The following CTNNA3 variants were observed in gnomAD, a reference collection of about 807,000 sequenced individuals.
CTNNA3 encodes catenin alpha 3.
Under a neutral mutation model 95.7 loss-of-function variants are expected in CTNNA3, and 76 were observed. That is an observed-to-expected ratio of 0.79 (90% CI 0.66 to 0.96). The LOEUF is 0.96. CTNNA3 is among the 40% of genes least tolerant of loss of function. CTNNA3 has a pLI of 0.00. For synonymous variants in CTNNA3, 431 were observed against 374.4 expected (o/e 1.15, Z -1.74); for missense variants, 1,191 against 1,089.8 (o/e 1.09, Z -1.31).
intron 15 of CTNNA3, among the ~76,000 whole-genome samples, chr10:65,999,809 A>T (rs976763338): frequency 6.6e-6 from 1 of 152,164 alleles, no homozygotes; most frequent in Admixed American, 6.5e-5. Flanking sequence ...ATAGCATCTT[A>T]AATTATTGCA....
At position 67,246,158 on chromosome 10, in the gene CTNNA3, T is replaced by C. The variant is rs571792077; in HGVS notation, c.580-26288A>G. Among the ~76,000 whole-genome samples, 6 of 152,318 alleles carry C rather than the reference T, an allele frequency of 3.9e-5. No homozygotes were observed. The South Asian group carries it at 1.2e-3, about 32-fold the overall frequency. ...ATTTAAAATCCAGATCCCTAATTAA[T>C]AACGATTTTGCCTTACTCAAGAACT... On this transcript the variant is annotated intron_variant, in intron 5 of 17. Coordinates refer to ENST00000433211, the MANE Select transcript of CTNNA3 (RefSeq NM_013266.4).
chr10:66,887,943 A>G (rs960670568), intron 7 of CTNNA3, among the ~76,000 whole-genome samples: 2 of 152,192 alleles, frequency 1.3e-5, no homozygotes, highest in Non-Finnish European at 2.9e-5. Context: ...AGAGATGCTC[A>G]TGTCTGCAGG....
At chr10:66,577,154 T>A (rs1843032333) in intron 10 of CTNNA3, among the ~76,000 whole-genome samples, 1 of 152,010 alleles carries the variant, frequency 6.6e-6, no homozygotes, top group Admixed American at 6.6e-5. Flanking sequence ...CTTCTTGTCC[T>A]TTGCCCACTT....
At chr10:66,346,213 A>G (rs200891247) in intron 12 of CTNNA3, among the ~76,000 whole-genome samples, 248 of 96,564 alleles carry the variant, frequency 2.6e-3, no homozygotes, top group South Asian at 9.8e-3. Context: ...GTGTGTGTGT[A>G]TATATATATA....
chr10:67,187,219 TTTGTTA>T (rs1292858680), intron 6 of CTNNA3, among the ~76,000 whole-genome samples: 1 of 152,156 alleles, frequency 6.6e-6, no homozygotes. Flanking sequence ...CAATGCTGCT[TTTGTTA>T]TCTTATTTAA....
intron 13 of CTNNA3, among the ~76,000 whole-genome samples, chr10:66,121,156 C>A (rs900433327): frequency 7.0e-4 from 107 of 152,282 alleles, no homozygotes; most frequent in African/African-American, 2.5e-3. Flanking sequence ...TGAGTTATTT[C>A]TTTGAGAGAC....
At chr10:66,384,115 A>T (rs1303388086) in intron 11 of CTNNA3, among the ~76,000 whole-genome samples, 1 of 152,164 alleles carries the variant, frequency 6.6e-6, no homozygotes, top group Non-Finnish European at 1.5e-5. Flanking sequence ...TTAAGTGCAA[A>T]TGGGCTAAAT....
At chr10:66,229,041 C>A (rs754617631) in intron 13 of CTNNA3, among the ~76,000 whole-genome samples, 12 of 152,046 alleles carry the variant, frequency 7.9e-5, no homozygotes, top group Non-Finnish European at 1.5e-4. Context: ...GTAAAGTGAG[C>A]TTCTTGTATG....
intron 6 of CTNNA3, among the ~76,000 whole-genome samples, chr10:67,193,630 T>C (rs1398233793): frequency 6.6e-6 from 1 of 152,088 alleles, no homozygotes; most frequent in African/African-American, 2.4e-5. Context: ...CTTAGAATAA[T>C]GGCCTCCAGC....
rs117274639 is a variant in CTNNA3 at position 65,997,407 on chromosome 10, T to G, written c.2160-8610A>C. 7.2e-4 allele frequency among the ~76,000 whole-genome samples: 109 copies of G among 152,332 alleles called. 1 individual carries two copies. In the East Asian group the frequency reaches 0.015, roughly 21 times the overall value. The stretch of plus-strand genomic sequence containing the variant: ...GGTGCTGCACACTGGTCAATCGGTA[T>G]ACCATCTTGGGTTAGCCAACAGAAT... On this transcript the variant is annotated intron_variant, in intron 15 of 17. Transcript: ENST00000433211.
intron 15 of CTNNA3, among the ~76,000 whole-genome samples, chr10:66,033,496 T>C (rs1213546477): frequency 6.6e-6 from 1 of 152,020 alleles, no homozygotes; most frequent in East Asian, 1.9e-4. Flanking sequence ...GTCTTCTAAA[T>C]CTTGTGTGCA....
At chr10:66,990,111 AC>A (rs1564816185) in intron 7 of CTNNA3, among the ~76,000 whole-genome samples, 1 of 152,152 alleles carries the variant, frequency 6.6e-6, no homozygotes, top group Non-Finnish European at 1.5e-5. Flanking sequence ...AAGAGTTTAT[AC>A]TCAAGCTTGT....
chr10:66,150,489 A>AT (rs1200611063), intron 13 of CTNNA3, among the ~76,000 whole-genome samples: 2 of 151,802 alleles, frequency 1.3e-5, no homozygotes, highest in African/African-American at 4.8e-5. Flanking sequence ...ATTTTTTTCT[A>AT]TTTTTTTATT....
intron 10 of CTNNA3, among the ~76,000 whole-genome samples, chr10:66,595,313 GTTGA>G (rs937261344): frequency 2.7e-5 from 4 of 149,060 alleles, no homozygotes; most frequent in Non-Finnish European, 5.9e-5. Flanking sequence ...AATATTCCTT[GTTGA>G]TTGATTGATC....
intron 17 of CTNNA3, among the ~76,000 whole-genome samples, chr10:65,956,722 T>C (rs1201812840): frequency 6.6e-6 from 1 of 152,226 alleles, no homozygotes; most frequent in African/African-American, 2.4e-5. Flanking sequence ...TAATCCTGAG[T>C]CCTAGTTTGA....
chr10:66,637,393 G>T (rs1009879209), intron 9 of CTNNA3, among the ~76,000 whole-genome samples: 9 of 152,196 alleles, frequency 5.9e-5, no homozygotes, highest in African/African-American at 2.2e-4. Flanking sequence ...GCACTACATG[G>T]TTGCACCAGC....
intron 11 of CTNNA3, among the ~76,000 whole-genome samples, chr10:66,401,596 T>G (rs2093021971): frequency 6.6e-6 from 1 of 151,622 alleles, no homozygotes; most frequent in South Asian, 2.1e-4. Context: ...CATGCAAATA[T>G]TGATTGAATT....
chr10:67,705,103 G>A (rs1031698881), intron 1 of CTNNA3, among the ~76,000 whole-genome samples: 1 of 152,138 alleles, frequency 6.6e-6, no homozygotes, highest in Non-Finnish European at 1.5e-5. Context: ...AGTTAGAATG[G>A]TGATCATTAA....
At chr10:66,252,124 TA>T (rs1253817430) in intron 13 of CTNNA3, among the ~76,000 whole-genome samples, 1 of 152,138 alleles carries the variant, frequency 6.6e-6, no homozygotes, top group African/African-American at 2.4e-5. Context: ...TTGATGAGAG[TA>T]AAAAAGACAA....
Sources: allele counts gnomAD v4.1 joint callset (sites outside exome capture counted in the v4.1 genomes callset), GRCh38; gene constraint gnomAD v4.1.1; transcripts MANE v1.5; gene names NCBI Gene and HGNC (gene_info 2026-07-23, HGNC 2026-07-21).